RABL3: variants seen among roughly 807,000 people sequenced by gnomAD.
RABL3 encodes the protein rab-like protein 3.
A neutral mutation model predicts 31.8 loss-of-function variants in RABL3; 31 were observed. The ratio of observed to expected loss-of-function variants is 0.97; its 90% CI spans 0.73 to 1.31. The LOEUF (loss-of-function observed/expected upper bound fraction) is 1.31, where lower values mean the gene tolerates loss of function less well. RABL3 is among the 40% of genes most tolerant of loss of function. RABL3 has a pLI of 0.00. For synonymous variants in RABL3, 97 were observed against 99.9 expected, an observed-to-expected ratio of 0.97 and a Z score of 0.18; for missense variants, 263 against 279.6, an observed-to-expected ratio of 0.94 and a Z score of 0.42.
intron 1 of RABL3, among the ~76,000 whole-genome samples, chr3:120,735,884 G>A (rs1708955120): frequency 6.6e-6 from 1 of 152,138 alleles, no homozygotes; most frequent in African/African-American, 2.4e-5. Flanking sequence ...CTGAGTTCTA[G>A]TTTGACAGCA....
At chr3:120,738,187 A>C (rs1708995883) in intron 1 of RABL3, among the ~76,000 whole-genome samples, 1 of 152,094 alleles carries the variant, frequency 6.6e-6, no homozygotes, top group African/African-American at 2.4e-5. Context: ...TTGTTTACTT[A>C]CTCAAGCTTC....
intron 2 of RABL3, among the ~76,000 whole-genome samples, chr3:120,724,239 C>A (rs1708787554): frequency 6.6e-6 from 1 of 152,156 alleles, no homozygotes; most frequent in Admixed American, 6.5e-5. Flanking sequence ...ATCCAACTTA[C>A]AAGGGATGTG....
At chr3:120,741,120 T>C (rs1227970822) in intron 1 of RABL3, among the ~76,000 whole-genome samples, 1 of 152,206 alleles carries the variant, frequency 6.6e-6, no homozygotes, top group African/African-American at 2.4e-5. Context: ...AAGAAGTCTG[T>C]TAGTTCTGGA....
chr3:120,698,459 G>A lies in RABL3; in HGVS notation c.498C>T (p.Phe166=). The change falls in exon 5 of 8, where the codon TTC becomes TTT. Residue 166 remains phenylalanine, a synonymous_variant. Transcript: ENST00000273375. ...KRHEVLTRTA[F]LAEDFNPEEI... Reference sequence around the variant, plus strand: ...CTTCTGGATTGAAATCCTCAGCCAGGAAAGCAGTCCTAGTTAAAACTTCAT... The same window carrying A: ...CTTCTGGATTGAAATCCTCAGCCAGAAAAGCAGTCCTAGTTAAAACTTCAT... 2.5e-6 allele frequency: 4 copies of A among 1,613,914 alleles called. No individual in the cohort carries two copies. Among genetic ancestry groups the A allele is most frequent in the Non-Finnish European group, 3.4e-6 (4 of 1,179,926 alleles).
chr3:120,711,042 C>T (rs1708607444), intron 2 of RABL3, among the ~76,000 whole-genome samples: 1 of 152,134 alleles, frequency 6.6e-6, no homozygotes, highest in South Asian at 2.1e-4. Flanking sequence ...ATTTGATCCA[C>T]CTCGTGTCTT....
chr3:120,705,916 T>G, intron 4 of RABL3, 84 bp downstream of exon 4: 1 of 841,078 alleles, frequency 1.2e-6, no homozygotes, highest in Non-Finnish European at 2.0e-6. Flanking sequence ...TCTTTGCAAA[T>G]CAAACATTTT....
At chr3:120,692,688 T>C (rs868604321) in intron 6 of RABL3, among the ~76,000 whole-genome samples, 1 of 152,186 alleles carries the variant, frequency 6.6e-6, no homozygotes, top group Non-Finnish European at 1.5e-5. Context: ...TGGTCATAAT[T>C]CTTTACCCCT....
intron 1 of RABL3, among the ~76,000 whole-genome samples, chr3:120,737,397 C>T (rs1463471498): frequency 1.3e-5 from 2 of 152,198 alleles, no homozygotes; most frequent in Non-Finnish European, 2.9e-5. Context: ...GACTTCTCTA[C>T]ATTGGTTATT....
chr3:120,742,325 A>C, intron 1 of RABL3, 137 bp downstream of exon 1: 1 of 791,950 alleles, frequency 1.3e-6, no homozygotes, highest in Non-Finnish European at 2.1e-6. Flanking sequence ...GTCCCCTGGG[A>C]AGTGTAGTCT....
intron 1 of RABL3, among the ~76,000 whole-genome samples, chr3:120,731,317 G>C (rs1276821765): frequency 1.3e-5 from 2 of 152,134 alleles, no homozygotes; most frequent in African/African-American, 2.4e-5. Flanking sequence ...CTGTCAGTGA[G>C]AGGGATTCAC....
At chr3:120,723,226 C>T (rs1559820154) in intron 2 of RABL3, among the ~76,000 whole-genome samples, 1 of 152,174 alleles carries the variant, frequency 6.6e-6, no homozygotes, top group African/African-American at 2.4e-5. Flanking sequence ...TGGACACATA[C>T]ACCCTCCCAA....
intron 2 of RABL3, among the ~76,000 whole-genome samples, chr3:120,724,177 C>A (rs1708786518): frequency 6.6e-6 from 1 of 152,222 alleles, no homozygotes; most frequent in Non-Finnish European, 1.5e-5. Flanking sequence ...AGAGCCAAAT[C>A]ATGAGTGAAC....
chr3:120,716,309 G>A (rs75799377), intron 2 of RABL3, among the ~76,000 whole-genome samples: 9,632 of 152,254 alleles, frequency 0.063, 514 homozygotes, highest in African/African-American at 0.14. Context: ...AGGAATGAAT[G>A]AAGAATACCA....
chr3:120,709,568 TAAATAG>T (rs1213192758), intron 3 of RABL3, among the ~76,000 whole-genome samples: 12 of 142,240 alleles, frequency 8.4e-5, no homozygotes, highest in Admixed American at 4.2e-4. Flanking sequence ...GACAATAATA[TAAATAG>T]AAACACTTAA....
upstream of RABL3, chr3:120,742,637 G>T: frequency 1.1e-6 from 1 of 885,974 alleles, no homozygotes; most frequent in Non-Finnish European, 1.8e-6. Context: ...AGGTTTCACT[G>T]AACTCATTGG....
chr3:120,742,023 G>A (rs1403757490), intron 1 of RABL3, among the ~76,000 whole-genome samples: 1 of 152,142 alleles, frequency 6.6e-6, no homozygotes, highest in African/African-American at 2.4e-5. Flanking sequence ...CGAAGCGCTT[G>A]CCAGTGCACG....
chr3:120,701,393 T>C (rs1256975618), intron 4 of RABL3, among the ~76,000 whole-genome samples: 1 of 152,226 alleles, frequency 6.6e-6, no homozygotes, highest in Non-Finnish European at 1.5e-5. Context: ...TTTTATACAT[T>C]TGCAGGTTTA....
chr3:120,713,406 A>G (rs2107584647), intron 2 of RABL3, among the ~76,000 whole-genome samples: 1 of 152,370 alleles, frequency 6.6e-6, no homozygotes. Context: ...ATGATGTTAC[A>G]TCTTTCACAT....
At chr3:120,711,483 C>T (rs1261796211) in intron 2 of RABL3, among the ~76,000 whole-genome samples, 1 of 152,218 alleles carries the variant, frequency 6.6e-6, no homozygotes, top group African/African-American at 2.4e-5. Flanking sequence ...GAGGCATCCC[C>T]CAACCTCCCT....
Sources: allele counts gnomAD v4.1 joint callset (sites outside exome capture counted in the v4.1 genomes callset), GRCh38; gene constraint gnomAD v4.1.1; transcripts MANE v1.5; gene names NCBI Gene and HGNC (gene_info 2026-07-23, HGNC 2026-07-21).